ARHGEF7: variants seen among roughly 807,000 people sequenced by gnomAD.
ARHGEF7 encodes Rho guanine nucleotide exchange factor 7.
Under a neutral mutation model 109.8 loss-of-function variants are expected in ARHGEF7, and 33 were observed. The observed-to-expected ratio is 0.30, with a 90% confidence interval of 0.23 to 0.40. ARHGEF7 has a LOEUF of 0.40. Ranked by LOEUF, ARHGEF7 falls within the 10% of genes least tolerant of loss-of-function variation. ARHGEF7 has a pLI of 1.00. For missense variants in ARHGEF7, 938 were observed against 1,098.5 expected (o/e 0.85, Z 2.07); for synonymous variants, 458 against 424.6 (o/e 1.08, Z -0.97).
intron 2 of ARHGEF7, among the ~76,000 whole-genome samples, chr13:111,197,894 G>A (rs1364758620): frequency 1.3e-5 from 2 of 152,156 alleles, no homozygotes; most frequent in Non-Finnish European, 2.9e-5. Context: ...GTGAGAGGAC[G>A]TTTGTCTGAC....
At chr13:111,173,245 A>T (rs923433968) in intron 2 of ARHGEF7, among the ~76,000 whole-genome samples, 1 of 152,164 alleles carries the variant, frequency 6.6e-6, no homozygotes, top group African/African-American at 2.4e-5. Flanking sequence ...TTGGGGTGGA[A>T]TGCATACTGC....
In ARHGEF7 at chr13:111,303,209, GCT is replaced by G; in HGVS notation, c.*97_*98del. On this transcript the variant is annotated 3_prime_UTR_variant, in exon 22 of 22. Coordinates refer to ENST00000646102, the MANE Select transcript of ARHGEF7 (RefSeq NM_001354046.2). ...GGTGCACTCAGGACCACAGGGCAGG[GCT>G]GGGTGGGGCGCCACCTTGCTCTCTG... The G allele has an allele frequency of 3.0e-6, 3 of 1,001,458 alleles. No homozygotes were observed. The highest frequency in any genetic ancestry group is 4.2e-6 in the Non-Finnish European group (3 of 711,892). 62.0% of individuals were successfully genotyped at this position (1,001,458 alleles called of 1,614,324 possible).
intron 1 of ARHGEF7, among the ~76,000 whole-genome samples, chr13:111,125,257 A>G (rs904019503): frequency 6.6e-6 from 1 of 152,196 alleles, no homozygotes; most frequent in African/African-American, 2.4e-5. Flanking sequence ...CCTGGGTTTC[A>G]TATCTCTTCT....
rs80163635 is a variant in ARHGEF7 at position 111,267,061 on chromosome 13, T to G, written c.951-487T>G. Among the ~76,000 whole-genome samples the G allele has an allele frequency of 9.7e-3, 1,484 of 152,278 alleles. 12 individuals carry two copies. The highest frequency in any genetic ancestry group is 0.027 in the Middle Eastern group (8 of 294). On this transcript the variant is annotated intron_variant, in intron 8 of 21. Transcript: ENST00000646102. ...GTTTATGCTTCTTGGAAAAGCCTGT[T>G]AACTGTCAGGATGCTGTGGATCTGG... is the stretch of plus-strand genomic sequence containing the variant.
intron 8 of ARHGEF7, among the ~76,000 whole-genome samples, chr13:111,244,964 G>T (rs1040705320): frequency 2.6e-5 from 4 of 152,168 alleles, no homozygotes; most frequent in Non-Finnish European, 5.9e-5. Context: ...AAAAGTTGTC[G>T]AGATGCTTGA....
At chr13:111,278,943 G>C (rs890784418) in intron 13 of ARHGEF7, among the ~76,000 whole-genome samples, 5 of 152,134 alleles carry the variant, frequency 3.3e-5, no homozygotes, top group Admixed American at 6.5e-5. Flanking sequence ...CTCAACAACA[G>C]GATTTTATTT....
In ARHGEF7 at chr13:111,303,078, A is replaced by G. The variant is rs758090154; in HGVS notation, c.2554A>G (p.Met852Val). The change falls in exon 22 of 22, where the codon ATG (methionine) becomes GTG (valine). Residue 852 changes from methionine (M) to valine (V), a missense_variant. By Grantham distance (21) the Met-to-Val change is conservative. Coordinates refer to ENST00000646102, the MANE Select transcript of ARHGEF7 (RefSeq NM_001354046.2). ...GCTGGTGAGGAAAGTCCTGAAGAAC[A>G]TGAATGATCCTGCCTGGGATGAGAC... Reference protein sequence around the residue: ...EKLVRKVLKNMNDPAWDETNL With the variant: ...EKLVRKVLKNVNDPAWDETNL 6.2e-7 allele frequency: 1 copy of G among 1,614,048 alleles called. No homozygotes were observed. The highest frequency in any genetic ancestry group is 8.5e-7 in the Non-Finnish European group (1 of 1,179,932).
intron 7 of ARHGEF7, 95 bp from the exon 8 acceptor site, chr13:111,244,104 T>G (rs1473824592): frequency 8.3e-7 from 1 of 1,211,298 alleles, no homozygotes; most frequent in Non-Finnish European, 1.2e-6. Context: ...AGCTGTTTAT[T>G]AGGTTAAGAC....
chr13:111,213,159 A>G (rs1249751841), intron 4 of ARHGEF7, among the ~76,000 whole-genome samples: 1 of 152,168 alleles, frequency 6.6e-6, no homozygotes, highest in Non-Finnish European at 1.5e-5. Flanking sequence ...ACAATAAAGT[A>G]ATCAGGTGAT....
chr13:111,177,379 C>G (rs1311369468), intron 2 of ARHGEF7, among the ~76,000 whole-genome samples: 1 of 152,230 alleles, frequency 6.6e-6, no homozygotes, highest in Non-Finnish European at 1.5e-5. Flanking sequence ...CTGTTGCAAA[C>G]TGGTCAAGGC....
rs532068130 is a variant in ARHGEF7 at position 111,236,024 on chromosome 13, A to G, written c.759+2731A>G. Among the ~76,000 whole-genome samples, 10 of 152,358 alleles carry G rather than the reference A, an allele frequency of 6.6e-5. No homozygotes were observed. In the South Asian group the frequency reaches 1.2e-3, roughly 19 times the overall value. ...GAAATTAAGAGACAATGAGACAGGT[A>G]TGAATGGGATGGATATGTGTTTTCC... is the stretch of plus-strand genomic sequence containing the variant. On this transcript the variant is annotated intron_variant, in intron 6 of 21. Coordinates refer to ENST00000646102, the MANE Select transcript of ARHGEF7 (RefSeq NM_001354046.2).
chr13:111,294,278 T>G, intron 19 of ARHGEF7: 2 of 985,468 alleles, frequency 2.0e-6, no homozygotes, highest in Non-Finnish European at 2.4e-6. Context: ...GAGCACTTTT[T>G]TGTTTGCCTC....
chr13:111,252,883 CCT>C (rs976898451), intron 8 of ARHGEF7, among the ~76,000 whole-genome samples: 1 of 152,230 alleles, frequency 6.6e-6, no homozygotes, highest in African/African-American at 2.4e-5. Context: ...TCTGAGAGTC[CCT>C]GATTCATAGT....
At chr13:111,248,661 T>G (rs1329001410) in intron 8 of ARHGEF7, among the ~76,000 whole-genome samples, 1 of 152,228 alleles carries the variant, frequency 6.6e-6, no homozygotes, top group Non-Finnish European at 1.5e-5. Flanking sequence ...GTTTTTAGTT[T>G]GAGAATTTTT....
In ARHGEF7 at chr13:111,228,520, C is replaced by T. The variant is rs556947000; in HGVS notation, c.671-4685C>T. Among the ~76,000 whole-genome samples the T allele has an allele frequency of 6.6e-6, 1 of 152,268 alleles. No individual in the cohort carries two copies. The highest frequency in any genetic ancestry group is 1.9e-4 in the East Asian group (1 of 5,178). The stretch of plus-strand genomic sequence containing the variant: ...GAGGACTGCTAACACTGTTAAGAGT[C>T]TATACGTGGTCATTCTCTGTATGTT... On this transcript the variant is annotated intron_variant, in intron 5 of 21. Transcript: ENST00000646102. This position sits in a 1 kb window ranked among gnomAD's most constrained non-coding sequence, Gnocchi z 4.6.
chr13:111,248,693 G>A (rs748830917), intron 8 of ARHGEF7, among the ~76,000 whole-genome samples: 8 of 151,954 alleles, frequency 5.3e-5, no homozygotes, highest in Non-Finnish European at 7.4e-5. Context: ...AATTTGTTTC[G>A]CTTAAAAAAA....
intron 1 of ARHGEF7, among the ~76,000 whole-genome samples, chr13:111,124,064 T>G (rs2067397591): frequency 6.6e-6 from 1 of 152,248 alleles, no homozygotes; most frequent in Non-Finnish European, 1.5e-5. Flanking sequence ...AAGTTCTTTT[T>G]TCTCGTTATC....
Position 111,274,715 on chromosome 13 carries a change from T to C in ARHGEF7, c.1213-16T>C. ...TTTCCTTATGAAAGCTAATTGTATG[T>C]TTCTTTTACTCAAAGGATTATCATA... On this transcript the variant is annotated splice_polypyrimidine_tract_variant and intron_variant, in intron 10 of 21. Transcript: ENST00000646102. 1 of 1,440,692 alleles carries C rather than the reference T, an allele frequency of 6.9e-7. No homozygotes were observed. Among genetic ancestry groups the C allele is most frequent in the South Asian group, 1.5e-5 (1 of 68,808 alleles). 89.2% of individuals were successfully genotyped at this position (1,440,692 alleles called of 1,614,324 possible). A position where few individuals can be genotyped will look rare whatever the true frequency, so the allele number is the denominator to read the frequency against.
At chr13:111,126,026 T>G (rs754789090) in intron 1 of ARHGEF7, among the ~76,000 whole-genome samples, 1 of 152,232 alleles carries the variant, frequency 6.6e-6, no homozygotes, top group Non-Finnish European at 1.5e-5. Flanking sequence ...CTGTTTACCT[T>G]GAGCAATGTC....
Sources: allele counts gnomAD v4.1 joint callset (sites outside exome capture counted in the v4.1 genomes callset), GRCh38; gene constraint gnomAD v4.1.1; non-coding constraint Gnocchi (gnomAD v3.1); transcripts MANE v1.5; gene names NCBI Gene and HGNC (gene_info 2026-07-23, HGNC 2026-07-21).